Variants in ARHGAP6 observed in about 807,000 individuals in gnomAD.
The protein encoded by ARHGAP6 is rho GTPase-activating protein 6.
A neutral mutation model predicts 55.7 loss-of-function variants in ARHGAP6; 16 were observed. The observed-to-expected ratio is 0.29, with a 90% CI of 0.19 to 0.44. The LOEUF is 0.44. Ranked by LOEUF, ARHGAP6 falls within the 20% of genes least tolerant of loss-of-function variation. The probability of loss-of-function intolerance (pLI) is 1.00; values close to 1 mark genes in which losing one functional copy is unlikely to be tolerated. For missense variants in ARHGAP6, 698 were observed against 808.9 expected (o/e 0.86, Z 1.66); for synonymous variants, 382 against 360.9 (o/e 1.06, Z -0.66).
At chrX:11,486,240 G>C (rs2050509826) in intron 1 of ARHGAP6, among the ~76,000 whole-genome samples, 2 of 112,179 alleles carry the variant, frequency 1.8e-5, no homozygotes, top group African/African-American at 6.5e-5. Context: ...ACAATCATTG[G>C]GTTACCATGG....
At chrX:11,524,580 T>C (rs2050969201) in intron 1 of ARHGAP6, among the ~76,000 whole-genome samples, 1 of 111,181 alleles carries the variant, frequency 9.0e-6, no homozygotes, top group Non-Finnish European at 1.9e-5. Context: ...ATTCTAACCT[T>C]AGCACCAATG....
intron 10 of ARHGAP6, among the ~76,000 whole-genome samples, chrX:11,156,282 C>T (rs760262950): frequency 6.6e-4 from 74 of 111,944 alleles, no homozygotes; most frequent in African/African-American, 2.4e-3. Flanking sequence ...TCAAAAGGAC[C>T]CTGAGAGGCT....
At chrX:11,629,039 G>A (rs968254737) in intron 1 of ARHGAP6, among the ~76,000 whole-genome samples, 3 of 110,683 alleles carry the variant, frequency 2.7e-5, no homozygotes, top group Non-Finnish European at 5.7e-5. Flanking sequence ...GCTAGAGCTC[G>A]AGTCTTACAG....
At chrX:11,629,226 C>A (rs1185262445) in intron 1 of ARHGAP6, among the ~76,000 whole-genome samples, 2 of 112,026 alleles carry the variant, frequency 1.8e-5, no homozygotes, top group Non-Finnish European at 3.8e-5. Context: ...CCACAGTTCT[C>A]TTAGGTCCAG....
At chrX:11,661,844 A>AT (rs1341792276) in intron 1 of ARHGAP6, among the ~76,000 whole-genome samples, 1 of 111,823 alleles carries the variant, frequency 8.9e-6, no homozygotes, top group Admixed American at 9.5e-5. Flanking sequence ...GGCGATTTTG[A>AT]TCCCCAGAGG....
intron 1 of ARHGAP6, among the ~76,000 whole-genome samples, chrX:11,599,606 T>C (rs2051946300): frequency 8.9e-6 from 1 of 111,883 alleles, no homozygotes; most frequent in South Asian, 3.8e-4. Context: ...AGAAGAATGG[T>C]AGTTTTCAGG....
intron 1 of ARHGAP6, among the ~76,000 whole-genome samples, chrX:11,498,690 G>T (rs1006726773): frequency 9.0e-6 from 1 of 111,572 alleles, no homozygotes; most frequent in Non-Finnish European, 1.9e-5. Flanking sequence ...AGAGTAAATA[G>T]TAAAAAGTAA....
intron 1 of ARHGAP6, among the ~76,000 whole-genome samples, chrX:11,344,289 T>A (rs2048743065): frequency 9.0e-6 from 1 of 111,585 alleles, no homozygotes; most frequent in South Asian, 3.8e-4. Context: ...TTGTCAGATG[T>A]CCCCTTGCGG....
At chrX:11,393,844 T>C (rs1272487666) in intron 1 of ARHGAP6, among the ~76,000 whole-genome samples, 1 of 111,849 alleles carries the variant, frequency 8.9e-6, no homozygotes, top group Admixed American at 9.5e-5. Context: ...CTGAGAAAAA[T>C]ATTTTTTAAA....
intron 1 of ARHGAP6, among the ~76,000 whole-genome samples, chrX:11,574,627 TG>T (rs1376668633): frequency 9.0e-6 from 1 of 110,628 alleles, no homozygotes; most frequent in Non-Finnish European, 1.9e-5. Context: ...TCATACTGAA[TG>T]GGCAAAAACT....
chrX:11,613,826 C>A (rs1019324551), intron 1 of ARHGAP6, among the ~76,000 whole-genome samples: 1 of 112,062 alleles, frequency 8.9e-6, no homozygotes, highest in African/African-American at 3.2e-5. Flanking sequence ...CTGTATTCAC[C>A]CTCTGTCCCC....
At chrX:11,428,466 C>T (rs1301658891) in intron 1 of ARHGAP6, among the ~76,000 whole-genome samples, 2 of 112,156 alleles carry the variant, frequency 1.8e-5, no homozygotes, top group African/African-American at 3.2e-5. Context: ...AGAAGATCAG[C>T]GAGTTCCCTC....
At chrX:11,567,566 A>AAAAAAAACTATATATATATATATATAT (rs1440758737) in intron 1 of ARHGAP6, among the ~76,000 whole-genome samples, 1 of 84,403 alleles carries the variant, frequency 1.2e-5, no homozygotes, top group African/African-American at 4.7e-5. Flanking sequence ...AAAAAAAAAA[A>AAAAAAAACTATATATATATATATATAT]ATATATATAT....
At chrX:11,419,953 A>G (rs1263313904) in intron 1 of ARHGAP6, among the ~76,000 whole-genome samples, 4 of 112,497 alleles carry the variant, frequency 3.6e-5, no homozygotes, top group African/African-American at 1.3e-4. Flanking sequence ...AAATTTTACT[A>G]TAAGATTTTT....
At chrX:11,582,645 C>T (rs1297455400) in intron 1 of ARHGAP6, among the ~76,000 whole-genome samples, 3 of 111,788 alleles carry the variant, frequency 2.7e-5, no homozygotes, top group Non-Finnish European at 5.6e-5. Context: ...AGGACTCTGA[C>T]ATCTGTAACA....
intron 1 of ARHGAP6, among the ~76,000 whole-genome samples, chrX:11,571,029 A>G (rs2051509211): frequency 1.8e-5 from 2 of 111,523 alleles, no homozygotes; most frequent in East Asian, 5.6e-4. Flanking sequence ...GAGGATGCAG[A>G]CAGCATCATT....
chrX:11,635,776 G>A (rs1182155417), intron 1 of ARHGAP6, among the ~76,000 whole-genome samples: 1 of 111,542 alleles, frequency 9.0e-6, no homozygotes, highest in Non-Finnish European at 1.9e-5. Context: ...TACTATGAAG[G>A]TAAAGCAACT....
intron 1 of ARHGAP6, among the ~76,000 whole-genome samples, chrX:11,619,805 C>A (rs2052207189): frequency 9.0e-6 from 1 of 111,712 alleles, no homozygotes; most frequent in Admixed American, 9.5e-5. Flanking sequence ...TATAAATAGG[C>A]ACTGGAATTG....
chrX:11,370,090 T>G (rs2049127366), intron 1 of ARHGAP6, among the ~76,000 whole-genome samples: 1 of 112,320 alleles, frequency 8.9e-6, no homozygotes, highest in South Asian at 3.7e-4. Context: ...CAGAAGCAAT[T>G]CAATTGTATA....
Sources: allele counts gnomAD v4.1 joint callset (sites outside exome capture counted in the v4.1 genomes callset), GRCh38; gene constraint gnomAD v4.1.1; transcripts MANE v1.5; gene names NCBI Gene and HGNC (gene_info 2026-07-23, HGNC 2026-07-21).